The following STPG2 variants were observed in gnomAD, a reference collection of about 807,000 sequenced individuals.
STPG2 encodes sperm-tail PG-rich repeat-containing protein 2.
A neutral mutation model predicts 54.2 loss-of-function variants in STPG2; 56 were observed. That is an observed-to-expected ratio of 1.03 (90% CI 0.83 to 1.29). STPG2 has a LOEUF of 1.29. STPG2 is among the 50% of genes most tolerant of loss of function. The pLI, the probability that STPG2 is intolerant of heterozygous loss-of-function variation, is 0.00. For missense variants in STPG2, 596 were observed against 544.9 expected (o/e 1.09, Z -0.93); for synonymous variants, 200 against 181.8 (o/e 1.10, Z -0.81).
chr4:97,707,463 G>A (rs1230751667), intron 10 of STPG2, among the ~76,000 whole-genome samples: 4 of 152,118 alleles, frequency 2.6e-5, no homozygotes, highest in Non-Finnish European at 5.9e-5. Context: ...CAAGGCTACA[G>A]TGAACTGTGA....
chr4:97,893,767 A>G (rs1335416848), intron 8 of STPG2, among the ~76,000 whole-genome samples: 1 of 151,568 alleles, frequency 6.6e-6, no homozygotes, highest in African/African-American at 2.4e-5. Flanking sequence ...ATGGTACATT[A>G]TTATAACAGA....
intron 4 of STPG2, among the ~76,000 whole-genome samples, chr4:97,517,574 C>A (rs1731100764): frequency 6.6e-6 from 1 of 150,526 alleles, no homozygotes; most frequent in African/African-American, 2.4e-5. Context: ...GGTCAGTTAG[C>A]TTTTAAACTT....
At chr4:97,842,602 C>T (rs1330588500) in intron 8 of STPG2, among the ~76,000 whole-genome samples, 1 of 151,854 alleles carries the variant, frequency 6.6e-6, no homozygotes, top group Non-Finnish European at 1.5e-5. Context: ...AGTGCCTAGA[C>T]TGGATATAAT....
At chr4:97,935,036 T>A (rs1361454959) in intron 8 of STPG2, among the ~76,000 whole-genome samples, 1 of 152,106 alleles carries the variant, frequency 6.6e-6, no homozygotes, top group Non-Finnish European at 1.5e-5. Context: ...ATTTCAGAAT[T>A]TGTTATTGGT....
intron 4 of STPG2, among the ~76,000 whole-genome samples, chr4:97,467,211 C>T (rs993813266): frequency 1.3e-5 from 2 of 151,740 alleles, no homozygotes; most frequent in Non-Finnish European, 1.5e-5. Context: ...TAAAACCTTA[C>T]AAAATGAGTA....
chr4:97,488,712 G>A (rs556780437), intron 4 of STPG2, among the ~76,000 whole-genome samples: 1 of 151,750 alleles, frequency 6.6e-6, no homozygotes, highest in East Asian at 1.9e-4. Flanking sequence ...ACAATACATA[G>A]AGGACAAAAC....
chr4:97,792,074 G>C (rs1727009511), intron 9 of STPG2, among the ~76,000 whole-genome samples: 1 of 152,186 alleles, frequency 6.6e-6, no homozygotes, highest in Middle Eastern at 3.2e-3. Context: ...AGTGATAATG[G>C]AAGTCTGAAA....
chr4:97,521,766 A>G (rs1054643181), intron 4 of STPG2, among the ~76,000 whole-genome samples: 4 of 151,942 alleles, frequency 2.6e-5, no homozygotes, highest in Admixed American at 6.6e-5. Flanking sequence ...TTAAAGAAAA[A>G]TATCTTCCAT....
At chr4:97,739,117 G>C (rs1355935584) in intron 9 of STPG2, among the ~76,000 whole-genome samples, 3 of 151,814 alleles carry the variant, frequency 2.0e-5, no homozygotes, top group Non-Finnish European at 4.4e-5. Flanking sequence ...ATGACTACTG[G>C]GTACATAATG....
intron 8 of STPG2, among the ~76,000 whole-genome samples, chr4:97,859,056 T>A (rs191452395): frequency 6.6e-6 from 1 of 152,118 alleles, no homozygotes; most frequent in South Asian, 2.1e-4. Flanking sequence ...CATGCTAACA[T>A]CTACTTTTAA....
chr4:97,689,567 T>TTTATA (rs1723300766), intron 10 of STPG2, among the ~76,000 whole-genome samples: 3 of 152,076 alleles, frequency 2.0e-5, no homozygotes, highest in African/African-American at 7.2e-5. Flanking sequence ...AATGGTGCAT[T>TTTATA]TGCTAGAAAA....
At chr4:98,044,837 T>G (rs1737074220) in intron 5 of STPG2, among the ~76,000 whole-genome samples, 1 of 152,154 alleles carries the variant, frequency 6.6e-6, no homozygotes, top group South Asian at 2.1e-4. Context: ...ATCAAACTAA[T>G]TTTTCACTGT....
At chr4:97,639,614 A>G (rs1349150525) in intron 10 of STPG2, among the ~76,000 whole-genome samples, 1 of 152,160 alleles carries the variant, frequency 6.6e-6, no homozygotes, top group African/African-American at 2.4e-5. Flanking sequence ...AAGCATAGCT[A>G]CATATTACGG....
intron 9 of STPG2, among the ~76,000 whole-genome samples, chr4:97,724,372 GA>G (rs1317289909): frequency 6.6e-6 from 1 of 152,112 alleles, no homozygotes; most frequent in African/African-American, 2.4e-5. Context: ...CAAGTGCCTA[GA>G]ATAGCTCTTC....
intron 5 of STPG2, among the ~76,000 whole-genome samples, chr4:98,098,575 G>T (rs1738929458): frequency 6.6e-6 from 1 of 152,092 alleles, no homozygotes; most frequent in Non-Finnish European, 1.5e-5. Context: ...AAGATTTCCT[G>T]AATGATACCC....
chr4:97,448,992 C>A (rs1729299145), intron 4 of STPG2, among the ~76,000 whole-genome samples: 1 of 151,954 alleles, frequency 6.6e-6, no homozygotes, highest in South Asian at 2.1e-4. Flanking sequence ...CATAAACTAA[C>A]TTACCAATGC....
At chr4:97,457,257 T>G (rs1035670193) in intron 4 of STPG2, among the ~76,000 whole-genome samples, 1 of 152,230 alleles carries the variant, frequency 6.6e-6, no homozygotes, top group Non-Finnish European at 1.5e-5. Context: ...CTTTGTTATT[T>G]AACCAGATGA....
intron 9 of STPG2, among the ~76,000 whole-genome samples, chr4:97,746,734 T>C (rs183812966): frequency 1.7e-4 from 25 of 151,292 alleles, no homozygotes; most frequent in African/African-American, 5.3e-4. Context: ...TAAATAACTT[T>C]TCTTTACCTA....
At chr4:97,533,115 T>G (rs1442397944) in intron 4 of STPG2, among the ~76,000 whole-genome samples, 1 of 152,048 alleles carries the variant, frequency 6.6e-6, no homozygotes, top group South Asian at 2.1e-4. Context: ...TCTTCTGACC[T>G]CATGATCCCC....
Sources: allele counts gnomAD v4.1 joint callset (sites outside exome capture counted in the v4.1 genomes callset), GRCh38; gene constraint gnomAD v4.1.1; transcripts MANE v1.5; gene names NCBI Gene and HGNC (gene_info 2026-07-23, HGNC 2026-07-21).